DYNC2H1: variants seen among roughly 807,000 people sequenced by gnomAD.
DYNC2H1 encodes the protein cytoplasmic dynein 2 heavy chain 1.
In DYNC2H1, 410 loss-of-function variants were observed where a neutral mutation model predicts 570.0. The ratio of observed to expected loss-of-function variants is 0.72; its 90% CI spans 0.66 to 0.78. The LOEUF is 0.78. Ranked by LOEUF, DYNC2H1 falls within the 30% of genes least tolerant of loss-of-function variation. The probability of loss-of-function intolerance (pLI) is 0.00; values close to 1 mark genes in which losing one functional copy is unlikely to be tolerated. For missense variants in DYNC2H1, 4,865 were observed against 5,046.4 expected, an observed-to-expected ratio of 0.96 and a Z score of 1.09; for synonymous variants, 1,688 against 1,677.6, an observed-to-expected ratio of 1.01 and a Z score of -0.15.
intron 59 of DYNC2H1, among the ~76,000 whole-genome samples, chr11:103,230,368 C>A (rs778825330): frequency 6.6e-5 from 10 of 152,134 alleles, no homozygotes; most frequent in Non-Finnish European, 1.3e-4. Context: ...CATTTTATGG[C>A]AACCCCTTAA....
In DYNC2H1 at chr11:103,156,452, G is replaced by GA; in HGVS notation, c.3809_3810insA (p.Trp1270Ter). The change falls in exon 26 of 89, where the codon TGG becomes TGAG. Residue 1270 changes from tryptophan (W) to a stop codon, truncating the protein, a stop_gained and frameshift_variant. Coordinates refer to ENST00000375735, the MANE Select transcript of DYNC2H1 (RefSeq NM_001377.3). LOFTEE classifies it high-confidence loss of function. Reference sequence around the variant, plus strand: ...GAAGCTTTACGTGAACTTGATCTTTGGGGAGTTGGAGCAGTGTTTACATTA... The same window carrying GA: ...GAAGCTTTACGTGAACTTGATCTTTGAGGGAGTTGGAGCAGTGTTTACATTA... Reference protein sequence around the residue: ...IREALRELDLWGVGAVFTLID... With the variant: ...IREALRELDL 1 of 1,613,650 alleles carries GA rather than the reference G, an allele frequency of 6.2e-7. No homozygotes were observed. The highest frequency in any genetic ancestry group is 8.5e-7 in the Non-Finnish European group (1 of 1,179,702).
chr11:103,172,295 C>G (rs1861607346), intron 34 of DYNC2H1, among the ~76,000 whole-genome samples: 1 of 152,058 alleles, frequency 6.6e-6, no homozygotes, highest in South Asian at 2.1e-4. Flanking sequence ...ATCTTTTCAC[C>G]TGTACTTTGG....
intron 80 of DYNC2H1, among the ~76,000 whole-genome samples, chr11:103,320,601 T>C (rs313408): frequency 0.31 from 47,136 of 152,054 alleles, 8,237 homozygotes; most frequent in Middle Eastern, 0.39. Flanking sequence ...TGTGTAAAAT[T>C]ATGTTTTGGA....
intron 40 of DYNC2H1, 138 bp from the exon 41 acceptor site, chr11:103,184,758 A>G: frequency 1.3e-6 from 1 of 751,320 alleles, no homozygotes; most frequent in East Asian, 2.8e-5. Flanking sequence ...ATGAAATCCA[A>G]ACTTTCTACA....
rs182535066 is a variant in DYNC2H1 at position 103,177,248 on chromosome 11, A to G, written c.5875-308A>G. On this transcript the variant is annotated intron_variant, in intron 37 of 88. Transcript: ENST00000375735. The surrounding 1 kb of genome is among the most constrained non-coding windows in gnomAD (Gnocchi z 4.4). Reference sequence around the variant, plus strand: ...ATGAATGAATGAATAAGTGAATAAAATAATGAATATATTTGAATGAGTGAA... The same window carrying G: ...ATGAATGAATGAATAAGTGAATAAAGTAATGAATATATTTGAATGAGTGAA... Among the ~76,000 whole-genome samples the G allele has an allele frequency of 2.4e-3, 369 of 152,338 alleles. 1 individual carries two copies. The highest frequency in any genetic ancestry group is 0.017 in the Middle Eastern group (5 of 294).
At chr11:103,368,572 C>T (rs1941013835) in intron 83 of DYNC2H1, among the ~76,000 whole-genome samples, 1 of 151,992 alleles carries the variant, frequency 6.6e-6, no homozygotes, top group South Asian at 2.1e-4. Context: ...GTTTCCTTTG[C>T]TGTGCAAAAG....
At chr11:103,434,161 A>G (rs1170670137) in intron 84 of DYNC2H1, among the ~76,000 whole-genome samples, 1 of 152,024 alleles carries the variant, frequency 6.6e-6, no homozygotes. Flanking sequence ...GAAGCCCTGG[A>G]GCCAAGTTCT....
rs917295861 is a variant in DYNC2H1, at chr11:103,185,489, A to T, written c.6633+438A>T. Among the ~76,000 whole-genome samples, 2 of 151,922 alleles carry T rather than the reference A, an allele frequency of 1.3e-5. No individual in the cohort carries two copies. The highest frequency in any genetic ancestry group is 1.3e-4 in the Admixed American group (2 of 15,176). On this transcript the variant is annotated intron_variant, in intron 41 of 88. Coordinates refer to ENST00000375735, the MANE Select transcript of DYNC2H1 (RefSeq NM_001377.3). The surrounding 1 kb of genome is among the most constrained non-coding windows in gnomAD (Gnocchi z 4.5). ...TATATGTTAAAGTTGTATTACAGTC[A>T]AGTTGTTTATAAAGCTGAATTCTAA...
At position 103,209,081 on chromosome 11, in the gene DYNC2H1, A is replaced by T. The variant is rs1835523799; in HGVS notation, c.8455-795A>T. 6.6e-6 allele frequency among the ~76,000 whole-genome samples: 1 copy of T among 152,162 alleles called. No individual in the cohort carries two copies. The highest frequency in any genetic ancestry group is 2.4e-5 in the African/African-American group (1 of 41,444). ...GAATTATGGTACATTCGAACTCTGC[A>T]TTAATGAAGACATCTTTTGGCTTAC... On this transcript the variant is annotated intron_variant, in intron 52 of 88. Coordinates refer to ENST00000375735, the MANE Select transcript of DYNC2H1 (RefSeq NM_001377.3). This position sits in a 1 kb window ranked among gnomAD's most constrained non-coding sequence, Gnocchi z 4.2.
intron 35 of DYNC2H1, among the ~76,000 whole-genome samples, chr11:103,173,816 G>T (rs151011905): frequency 1.3e-5 from 2 of 152,194 alleles, no homozygotes; most frequent in African/African-American, 2.4e-5. Flanking sequence ...TTGTCATTTG[G>T]TGTCTTCATT....
rs764056679 is a variant in DYNC2H1 at position 103,148,796 on chromosome 11, C to T, written c.2946+179C>T. Among the ~76,000 whole-genome samples, 6 of 152,092 alleles carry T rather than the reference C, an allele frequency of 3.9e-5. No individual in the cohort carries two copies. The East Asian group carries it at 5.8e-4, about 15-fold the overall frequency. Reference sequence around the variant, plus strand: ...ACTCTTGGCTGGGCCTGGTGGCTCACGCCTGTAATCTCAGTACTTTGGGAG... The same window carrying T: ...ACTCTTGGCTGGGCCTGGTGGCTCATGCCTGTAATCTCAGTACTTTGGGAG... On this transcript the variant is annotated intron_variant, in intron 20 of 88. Coordinates refer to ENST00000375735, the MANE Select transcript of DYNC2H1 (RefSeq NM_001377.3).
rs886834196 is a variant in DYNC2H1 at position 103,277,127 on chromosome 11, C to G, written c.10696-3221C>G. 2.0e-5 allele frequency among the ~76,000 whole-genome samples: 3 copies of G among 151,932 alleles called. No homozygotes were observed. Among genetic ancestry groups the G allele is most frequent in the Non-Finnish European group, 2.9e-5 (2 of 67,948 alleles). On this transcript the variant is annotated intron_variant, in intron 70 of 88. Transcript: ENST00000375735. The surrounding 1 kb of genome is among the most constrained non-coding windows in gnomAD (Gnocchi z 4.3). ...CATATAAATAAAGAAAAAAAAGTCTCCTTTTCAGTCTCTCCCCAACTTGTT... is the reference window on the plus strand; with the variant it reads ...CATATAAATAAAGAAAAAAAAGTCTGCTTTTCAGTCTCTCCCCAACTTGTT...
intron 82 of DYNC2H1, among the ~76,000 whole-genome samples, chr11:103,330,397 A>G (rs916097705): frequency 2.0e-5 from 3 of 151,722 alleles, no homozygotes; most frequent in Non-Finnish European, 4.4e-5. Context: ...AGAAATCTTT[A>G]AAGCAGAAAT....
intron 84 of DYNC2H1, among the ~76,000 whole-genome samples, chr11:103,415,113 A>ATG (rs971426733): frequency 1.3e-5 from 2 of 152,204 alleles, no homozygotes; most frequent in African/African-American, 4.8e-5. Flanking sequence ...GGCTAGCCAT[A>ATG]TGTAGAAAGC....
At chr11:103,435,195 T>C (rs1279846015) in intron 84 of DYNC2H1, among the ~76,000 whole-genome samples, 1 of 152,176 alleles carries the variant, frequency 6.6e-6, no homozygotes, top group Admixed American at 6.6e-5. Context: ...ATTGTTGATA[T>C]ATTCTAGCCC....
At chr11:103,453,415 T>C (rs1240752571) in intron 85 of DYNC2H1, among the ~76,000 whole-genome samples, 1 of 151,898 alleles carries the variant, frequency 6.6e-6, no homozygotes, top group Non-Finnish European at 1.5e-5. Flanking sequence ...TTCAAAGATA[T>C]TATGCATGCT....
chr11:103,137,629 G>C (rs112303313), intron 17 of DYNC2H1, among the ~76,000 whole-genome samples: 3 of 152,172 alleles, frequency 2.0e-5, no homozygotes, highest in Admixed American at 1.3e-4. Context: ...GGTTACTGTA[G>C]CCTTGTAGTA....
At chr11:103,427,437 G>A (rs1240936741) in intron 84 of DYNC2H1, among the ~76,000 whole-genome samples, 1 of 152,038 alleles carries the variant, frequency 6.6e-6, no homozygotes, top group Non-Finnish European at 1.5e-5. Flanking sequence ...TTCACTATAA[G>A]TATTCCTAAT....
At chr11:103,138,276 T>C (rs1368713058) in intron 17 of DYNC2H1, among the ~76,000 whole-genome samples, 1 of 151,484 alleles carries the variant, frequency 6.6e-6, no homozygotes, top group African/African-American at 2.4e-5. Context: ...TGAATAGGAG[T>C]GGTGAGAGAG....
Sources: gnomAD v4.1 joint callset for allele counts (sites outside exome capture counted in the v4.1 genomes callset) on GRCh38, gnomAD v4.1.1 for gene constraint, Gnocchi (gnomAD v3.1) non-coding constraint, MANE v1.5 for transcripts, NCBI Gene and HGNC (gene_info 2026-07-23, HGNC 2026-07-21) for gene names.